KIF16B: variants seen among roughly 807,000 people sequenced by gnomAD.
KIF16B encodes the protein kinesin family member 16B, also known as kinesin-like protein KIF16B.
In KIF16B, 98 loss-of-function variants were observed where a neutral mutation model predicts 156.3. That is an observed-to-expected ratio of 0.63 (90% CI 0.53 to 0.74). The LOEUF is 0.74. Ranked by LOEUF, KIF16B falls within the 30% of genes least tolerant of loss-of-function variation. The pLI is 0.00. For missense variants in KIF16B, 1,421 were observed against 1,606.5 expected, an observed-to-expected ratio of 0.88 and a Z score of 1.97; for synonymous variants, 564 against 583.7, an observed-to-expected ratio of 0.97 and a Z score of 0.49.
intron 22 of KIF16B, among the ~76,000 whole-genome samples, chr20:16,362,276 C>A (rs1209357971): frequency 2.0e-5 from 3 of 152,114 alleles, no homozygotes; most frequent in Non-Finnish European, 4.4e-5. Flanking sequence ...GCACTTCCAG[C>A]CAAAGAAGCA....
At chr20:16,470,516 C>T (rs1441147702) in intron 12 of KIF16B, among the ~76,000 whole-genome samples, 1 of 152,090 alleles carries the variant, frequency 6.6e-6, no homozygotes, top group East Asian at 1.9e-4. Flanking sequence ...CAGGGTCTCA[C>T]TCCATCACCC....
intron 1 of KIF16B, among the ~76,000 whole-genome samples, chr20:16,543,665 A>G (rs1181560941): frequency 6.6e-6 from 1 of 152,158 alleles, no homozygotes; most frequent in East Asian, 1.9e-4. Flanking sequence ...TAATAATGAC[A>G]CTTTCATGGG....
intron 1 of KIF16B, among the ~76,000 whole-genome samples, chr20:16,553,568 TC>T (rs2070740751): frequency 6.6e-6 from 1 of 152,162 alleles, no homozygotes; most frequent in Non-Finnish European, 1.5e-5. Flanking sequence ...TAGCTCAACT[TC>T]CCCCAAAACA....
intron 12 of KIF16B, among the ~76,000 whole-genome samples, chr20:16,483,921 T>C (rs1359480796): frequency 6.6e-6 from 1 of 152,102 alleles, no homozygotes; most frequent in Non-Finnish European, 1.5e-5. Context: ...TGTCATGAAA[T>C]TGTGTTTTTT....
At chr20:16,382,143 TGG>T in intron 17 of KIF16B, 1 of 1,342,018 alleles carries the variant, frequency 7.5e-7, no homozygotes, top group Non-Finnish European at 9.9e-7. Context: ...GCCAGGGAGG[TGG>T]AGAGAGAGAG....
chr20:16,410,069 A>ACCTACATATATATATGTT lies in KIF16B; in HGVS notation c.1613-3614_1613-3613insAACATATATATATGTAGG, dbSNP rs2065898643. ...TATGTTGGTACATATATATATATGT[A>ACCTACATATATATATGTT]GGTACATATATATATATGTAGGTAC... is the stretch of plus-strand genomic sequence containing the variant. On this transcript the variant is annotated intron_variant, in intron 15 of 25. Coordinates refer to ENST00000354981, the MANE Select transcript of KIF16B (RefSeq NM_024704.5). Among the ~76,000 whole-genome samples the ACCTACATATATATATGTT allele has an allele frequency of 6.1e-5, 3 of 49,508 alleles. 1 individual carries two copies. The highest frequency in any genetic ancestry group is 3.1e-4 in the African/African-American group (3 of 9,678). The allele number at this position is 49,508 out of a possible 152,430, so 32.5% of individuals were successfully genotyped here. A position where few individuals can be genotyped will look rare whatever the true frequency, so the allele number is the denominator to read the frequency against.
intron 11 of KIF16B, 83 bp from the exon 12 acceptor site, chr20:16,494,433 T>C (rs1034721568): frequency 5.0e-6 from 4 of 802,924 alleles, no homozygotes; most frequent in East Asian, 5.4e-5. Context: ...TAATATCTCA[T>C]GGAAAGATGT....
chr20:16,494,439 GA>G, intron 11 of KIF16B, 89 bp from the exon 12 acceptor site: 1 of 765,020 alleles, frequency 1.3e-6, no homozygotes, highest in Non-Finnish European at 2.1e-6. Flanking sequence ...CTCATGGAAA[GA>G]TGTACTATAA....
intron 12 of KIF16B, among the ~76,000 whole-genome samples, chr20:16,474,229 C>A (rs1040261702): frequency 1.3e-5 from 2 of 152,196 alleles, no homozygotes; most frequent in Admixed American, 6.5e-5. Context: ...ACCACGCCCC[C>A]CTTTGTGACC....
chr20:16,358,213 C>T (rs6080241), intron 22 of KIF16B, among the ~76,000 whole-genome samples: 12,951 of 152,090 alleles, frequency 0.085, 616 homozygotes, highest in African/African-American at 0.12. Context: ...ATTATATGGG[C>T]TTCTGTCACT....
chr20:16,540,802 G>A (rs6034523), intron 1 of KIF16B, among the ~76,000 whole-genome samples: 79,237 of 151,962 alleles, frequency 0.52, 20,813 homozygotes, highest in Non-Finnish European at 0.55. Flanking sequence ...TAGGAAGCCC[G>A]ATTAAACTGA....
chr20:16,360,244 C>T (rs1274668997), intron 22 of KIF16B, among the ~76,000 whole-genome samples: 1 of 151,930 alleles, frequency 6.6e-6, no homozygotes, highest in African/African-American at 2.4e-5. Flanking sequence ...TTATACTGGA[C>T]AGGAAGTAAA....
Position 16,537,291 on chromosome 20 carries a change from C to A in KIF16B, c.48-8851G>T, listed in dbSNP as rs77616697. Among the ~76,000 whole-genome samples, 631 of 152,262 alleles carry A rather than the reference C, an allele frequency of 4.1e-3. 8 individuals carry two copies. Among genetic ancestry groups the A allele is most frequent in the African/African-American group, 0.014 (599 of 41,554 alleles). On this transcript the variant is annotated intron_variant, in intron 1 of 25. Transcript: ENST00000354981. ...TATATCCTGCCCCATCCTCTTCCCA[C>A]GGTCAACTCCCAACCATTCCTCTAA...
At chr20:16,562,706 A>T (rs1403440081) in intron 1 of KIF16B, among the ~76,000 whole-genome samples, 1 of 152,258 alleles carries the variant, frequency 6.6e-6, no homozygotes, top group East Asian at 1.9e-4. Context: ...AAGAGATAAT[A>T]AGCAAACAAA....
At chr20:16,485,879 A>G (rs2068099350) in intron 12 of KIF16B, among the ~76,000 whole-genome samples, 1 of 152,184 alleles carries the variant, frequency 6.6e-6, no homozygotes. Context: ...ATATATACAC[A>G]TATATATACA....
intron 12 of KIF16B, among the ~76,000 whole-genome samples, chr20:16,480,798 C>A (rs2067959068): frequency 6.6e-6 from 1 of 151,952 alleles, no homozygotes; most frequent in Admixed American, 6.5e-5. Flanking sequence ...AATCAAAAAC[C>A]AATTCAAATA....
At chr20:16,458,972 T>C (rs2067279561) in intron 12 of KIF16B, among the ~76,000 whole-genome samples, 1 of 152,212 alleles carries the variant, frequency 6.6e-6, no homozygotes, top group Admixed American at 6.5e-5. Context: ...ATATCCAGTC[T>C]GCTCACTTTT....
At chr20:16,368,339 C>CT in intron 22 of KIF16B, 1 of 989,914 alleles carries the variant, frequency 1.0e-6, no homozygotes, top group Non-Finnish European at 1.2e-6. Context: ...AGGCTCCCTG[C>CT]AGCTTCGCTC....
chr20:16,372,638 C>T (rs2064849771), intron 20 of KIF16B, among the ~76,000 whole-genome samples: 1 of 152,152 alleles, frequency 6.6e-6, no homozygotes, highest in African/African-American at 2.4e-5. Context: ...AGAGACTGCC[C>T]AAATGGAAGT....
Sources: allele counts gnomAD v4.1 joint callset (sites outside exome capture counted in the v4.1 genomes callset), GRCh38; gene constraint gnomAD v4.1.1; transcripts MANE v1.5; gene names NCBI Gene and HGNC (gene_info 2026-07-23, HGNC 2026-07-21).